NKAIN3: variants seen among roughly 807,000 people sequenced by gnomAD.
NKAIN3 encodes sodium/potassium transporting ATPase interacting 3.
In NKAIN3, 25 loss-of-function variants were observed where a neutral mutation model predicts 30.2. The ratio of observed to expected loss-of-function variants is 0.83; its 90% CI spans 0.60 to 1.16. The LOEUF is 1.16. Ranked by LOEUF, NKAIN3 falls within the 50% of genes most tolerant of loss-of-function variation. The probability of loss-of-function intolerance (pLI) is 0.00; values close to 1 mark genes in which losing one functional copy is unlikely to be tolerated. For synonymous variants in NKAIN3, 91 were observed against 89.6 expected, an observed-to-expected ratio of 1.02 and a Z score of -0.09; for missense variants, 225 against 254.1, an observed-to-expected ratio of 0.89 and a Z score of 0.78.
chr8:62,797,251 T>G (rs1817891685), intron 4 of NKAIN3, among the ~76,000 whole-genome samples: 1 of 152,200 alleles, frequency 6.6e-6, no homozygotes, highest in Non-Finnish European at 1.5e-5. Flanking sequence ...ATAAATGGGC[T>G]CTCTTGTTCA....
intron 1 of NKAIN3, among the ~76,000 whole-genome samples, chr8:62,479,249 C>T (rs753883499): frequency 6.6e-6 from 1 of 152,158 alleles, no homozygotes. Flanking sequence ...ATTATTAGAA[C>T]TGTAGTTTAT....
At chr8:62,694,100 T>C (rs1269790530) in intron 3 of NKAIN3, among the ~76,000 whole-genome samples, 1 of 152,210 alleles carries the variant, frequency 6.6e-6, no homozygotes, top group Admixed American at 6.5e-5. Context: ...ATTCCAAATC[T>C]TCTAGCTATT....
At chr8:62,414,357 T>A (rs1381374232) in intron 1 of NKAIN3, among the ~76,000 whole-genome samples, 2 of 152,172 alleles carry the variant, frequency 1.3e-5, no homozygotes, top group African/African-American at 4.8e-5. Flanking sequence ...ACTTGAGGAT[T>A]TGATTAAGTT....
intron 4 of NKAIN3, among the ~76,000 whole-genome samples, chr8:62,875,990 A>T (rs1820783525): frequency 6.6e-6 from 1 of 152,142 alleles, no homozygotes; most frequent in Non-Finnish European, 1.5e-5. Context: ...ATCTAATTAA[A>T]CTAAAGAGCT....
intron 1 of NKAIN3, among the ~76,000 whole-genome samples, chr8:62,325,243 A>G (rs547454779): frequency 3.7e-4 from 57 of 152,204 alleles, no homozygotes; most frequent in African/African-American, 1.3e-3. Flanking sequence ...TTGGTTTACC[A>G]TTCCTGAATT....
intron 3 of NKAIN3, among the ~76,000 whole-genome samples, chr8:62,657,288 A>G (rs563235285): frequency 7.7e-4 from 117 of 152,314 alleles, no homozygotes; most frequent in Non-Finnish European, 1.4e-3. Flanking sequence ...AAACTGAAAT[A>G]ATGTAGCATT....
intron 4 of NKAIN3, among the ~76,000 whole-genome samples, chr8:62,770,138 T>C (rs1017020574): frequency 6.6e-6 from 1 of 152,196 alleles, no homozygotes; most frequent in Non-Finnish European, 1.5e-5. Context: ...AGGAGGAGCC[T>C]GCACATCTAG....
intron 1 of NKAIN3, among the ~76,000 whole-genome samples, chr8:62,462,372 G>C (rs1806025084): frequency 6.6e-6 from 1 of 152,158 alleles, no homozygotes; most frequent in South Asian, 2.1e-4. Context: ...AATTCACAAT[G>C]CACCGATTGT....
chr8:62,465,519 AT>A (rs766746950), intron 1 of NKAIN3, among the ~76,000 whole-genome samples: 8 of 152,136 alleles, frequency 5.3e-5, no homozygotes, highest in Non-Finnish European at 8.8e-5. Flanking sequence ...CTGTTTCAAT[AT>A]GTGTTTTGAC....
intron 5 of NKAIN3, among the ~76,000 whole-genome samples, chr8:62,937,916 C>T (rs1822836885): frequency 6.6e-6 from 1 of 152,002 alleles, no homozygotes; most frequent in Non-Finnish European, 1.5e-5. Flanking sequence ...TGACTGAAGC[C>T]TATCATTGCC....
intron 1 of NKAIN3, among the ~76,000 whole-genome samples, chr8:62,481,178 G>A (rs1189365481): frequency 1.3e-5 from 2 of 152,012 alleles, no homozygotes; most frequent in Non-Finnish European, 2.9e-5. Context: ...CTAACCTGGA[G>A]GAGGTTAGTA....
intron 1 of NKAIN3, among the ~76,000 whole-genome samples, chr8:62,474,930 A>T (rs1272383228): frequency 6.6e-6 from 1 of 152,194 alleles, no homozygotes; most frequent in African/African-American, 2.4e-5. Flanking sequence ...TATGTGAGAG[A>T]TATATGAAAT....
Position 62,762,470 on chromosome 8 carries a change from GAAGT to G in NKAIN3, c.471+15347_471+15350del, listed in dbSNP as rs376796418. Among the ~76,000 whole-genome samples, 350 of 152,308 alleles carry G rather than the reference GAAGT, an allele frequency of 2.3e-3. 1 individual carries two copies. Among genetic ancestry groups the G allele is most frequent in the African/African-American group, 8.0e-3 (334 of 41,564 alleles). On this transcript the variant is annotated intron_variant, in intron 4 of 6. Coordinates refer to ENST00000623646, the MANE Select transcript of NKAIN3 (RefSeq NM_001304533.3). ...AAGAGTGATGGAAGATGAAATTAGAGAAGTAAGTAGATGTTAAAGAAGATGTGAC... is the reference window on the plus strand; with the variant it reads ...AAGAGTGATGGAAGATGAAATTAGAGAAGTAGATGTTAAAGAAGATGTGAC...
At chr8:62,810,473 G>C (rs1360990078) in intron 4 of NKAIN3, among the ~76,000 whole-genome samples, 1 of 152,060 alleles carries the variant, frequency 6.6e-6, no homozygotes, top group African/African-American at 2.4e-5. Flanking sequence ...AAGTCACTTA[G>C]ACTCCATGGG....
In NKAIN3 at chr8:62,862,982, T is replaced by A. The variant is rs73685820; in HGVS notation, c.472-55471T>A. 2,008 of 498,576 alleles carry A rather than the reference T, an allele frequency of 4.0e-3. 27 individuals are homozygous for A. The highest frequency in any genetic ancestry group is 0.035 in the African/African-American group (1,830 of 51,780). 30.9% of individuals were successfully genotyped at this position (498,576 alleles called of 1,614,324 possible). A position where few individuals can be genotyped will look rare whatever the true frequency, so the allele number is the denominator to read the frequency against. ...GTGTGTATGCATATATGTGTGTGCA[T>A]GTGTATGCATACATATGTTGGTATG... On this transcript the variant is annotated intron_variant, in intron 4 of 6. Coordinates refer to ENST00000623646, the MANE Select transcript of NKAIN3 (RefSeq NM_001304533.3).
chr8:62,790,894 T>C (rs536253630), intron 4 of NKAIN3, among the ~76,000 whole-genome samples: 22 of 152,178 alleles, frequency 1.4e-4, no homozygotes, highest in South Asian at 6.2e-4. Flanking sequence ...AGGTGAGTGG[T>C]AGGTTTAAAT....
intron 1 of NKAIN3, among the ~76,000 whole-genome samples, chr8:62,385,834 CTG>C (rs1476750609): frequency 6.6e-6 from 1 of 152,186 alleles, no homozygotes; most frequent in African/African-American, 2.4e-5. Context: ...AGAAAAAAAT[CTG>C]AGATTCATAG....
chr8:62,480,728 T>C (rs1806692930), intron 1 of NKAIN3, among the ~76,000 whole-genome samples: 1 of 152,040 alleles, frequency 6.6e-6, no homozygotes, highest in East Asian at 1.9e-4. Flanking sequence ...CTGTATTACT[T>C]TCAGTCTTTC....
At chr8:62,451,414 T>G (rs915660097) in intron 1 of NKAIN3, among the ~76,000 whole-genome samples, 1 of 151,956 alleles carries the variant, frequency 6.6e-6, no homozygotes, top group Non-Finnish European at 1.5e-5. Flanking sequence ...GATAGCCTTT[T>G]GTCAAATGTC....
Sources: gnomAD v4.1 joint callset for allele counts (sites outside exome capture counted in the v4.1 genomes callset) on GRCh38, gnomAD v4.1.1 for gene constraint, MANE v1.5 for transcripts, NCBI Gene and HGNC (gene_info 2026-07-23, HGNC 2026-07-21) for gene names.